ECM2: variants seen among roughly 807,000 people sequenced by gnomAD.
The protein encoded by ECM2 is extracellular matrix protein 2, female organ and adipocyte specific.
Under a neutral mutation model 67.5 loss-of-function variants are expected in ECM2, and 57 were observed. The ratio of observed to expected loss-of-function variants is 0.84; its 90% CI spans 0.68 to 1.05. ECM2 has a LOEUF of 1.05. Among genes scored for constraint, ECM2 ranks in the 50% least tolerant of loss-of-function variants. The probability of loss-of-function intolerance (pLI) is 0.00; values close to 1 mark genes in which losing one functional copy is unlikely to be tolerated. For missense variants in ECM2, 741 were observed against 822.8 expected (o/e 0.90, Z 1.22); for synonymous variants, 258 against 294.5 (o/e 0.88, Z 1.27).
upstream of ECM2, among the ~76,000 whole-genome samples, chr9:92,541,434 C>T (rs1465469525): frequency 7.1e-6 from 1 of 141,054 alleles, no homozygotes; most frequent in Non-Finnish European, 1.5e-5. Context: ...CCCGCCCACA[C>T]CCCCACACCC....
chr9:92,512,179 C>T (rs940261808), intron 4 of ECM2, 53 bp from the exon 5 acceptor site: 1 of 1,201,826 alleles, frequency 8.3e-7, no homozygotes, highest in African/African-American at 1.5e-5. Flanking sequence ...CATACATGTA[C>T]ACACATGTAT....
At chr9:92,515,925 G>C (rs1847675499) in intron 3 of ECM2, among the ~76,000 whole-genome samples, 1 of 152,196 alleles carries the variant, frequency 6.6e-6, no homozygotes, top group Non-Finnish European at 1.5e-5. Flanking sequence ...GAGTAGAATA[G>C]ATGATAGTAG....
chr9:92,537,765 G>A (rs1323453309), upstream of ECM2, among the ~76,000 whole-genome samples: 2 of 152,096 alleles, frequency 1.3e-5, no homozygotes, highest in Non-Finnish European at 2.9e-5. Flanking sequence ...AAACAGAAGA[G>A]GAAGATTTCT....
the ECM2 span, among the ~76,000 whole-genome samples, chr9:92,558,568 G>A: frequency 6.6e-6 from 1 of 152,122 alleles, no homozygotes; most frequent in East Asian, 1.9e-4. Flanking sequence ...GACACCATGA[G>A]GGTCCTTAGC....
At chr9:92,499,101 G>A (rs967871582) in intron 9 of ECM2, among the ~76,000 whole-genome samples, 19 of 152,152 alleles carry the variant, frequency 1.2e-4, no homozygotes, top group Admixed American at 3.9e-4. Flanking sequence ...TGAGGCCCAC[G>A]TGTGCCCAAA....
At chr9:92,555,191 TG>T in the ECM2 span, among the ~76,000 whole-genome samples, 1 of 150,840 alleles carries the variant, frequency 6.6e-6, no homozygotes, top group African/African-American at 2.4e-5. Context: ...TGAATCCGTC[TG>T]GTCTTGGACT....
At chr9:92,557,632 A>G in the ECM2 span, among the ~76,000 whole-genome samples, 2 of 151,950 alleles carry the variant, frequency 1.3e-5, no homozygotes, top group Non-Finnish European at 2.9e-5. Flanking sequence ...TTTCCAGAGC[A>G]TTTCGCATTT....
chr9:92,539,862 T>C (rs911832949), upstream of ECM2, among the ~76,000 whole-genome samples: 1 of 152,164 alleles, frequency 6.6e-6, no homozygotes, highest in Non-Finnish European at 1.5e-5. Context: ...TTGATGGACA[T>C]TTGGGTTGTT....
chr9:92,515,352 T>TA (rs36103769), intron 3 of ECM2, 149 bp from the exon 4 acceptor site: 4 of 1,117,636 alleles, frequency 3.6e-6, no homozygotes, highest in Non-Finnish European at 4.6e-6. Context: ...AATTCTTGCT[T>TA]AAAAAGTTTT....
intron 9 of ECM2, among the ~76,000 whole-genome samples, chr9:92,498,071 T>C (rs767130567): frequency 6.6e-6 from 1 of 152,156 alleles, no homozygotes; most frequent in African/African-American, 2.4e-5. Context: ...CCTTTTCTCT[T>C]TATAAATTAC....
At chr9:92,524,382 A>T (rs986445771) in intron 1 of ECM2, among the ~76,000 whole-genome samples, 2 of 152,226 alleles carry the variant, frequency 1.3e-5, no homozygotes, top group Non-Finnish European at 2.9e-5. Flanking sequence ...TAGTAGCATT[A>T]TGGTCAGACA....
At chr9:92,551,488 C>A in the ECM2 span, among the ~76,000 whole-genome samples, 2 of 152,054 alleles carry the variant, frequency 1.3e-5, no homozygotes, top group Non-Finnish European at 2.9e-5. Flanking sequence ...CGGGCACATA[C>A]CACCACACCT....
At chr9:92,530,597 A>G (rs1848686194) in intron 1 of ECM2, among the ~76,000 whole-genome samples, 1 of 152,140 alleles carries the variant, frequency 6.6e-6, no homozygotes, top group Non-Finnish European at 1.5e-5. Flanking sequence ...TTTAGTCGTT[A>G]TATCTTTCTG....
the ECM2 span, among the ~76,000 whole-genome samples, chr9:92,552,188 T>TACACAC: frequency 8.0e-5 from 8 of 100,124 alleles, no homozygotes; most frequent in African/African-American, 3.2e-4. Context: ...AGATCTATCA[T>TACACAC]ATACACACAC....
At chr9:92,503,491 A>G (rs1447541738) in intron 7 of ECM2, among the ~76,000 whole-genome samples, 2 of 152,240 alleles carry the variant, frequency 1.3e-5, no homozygotes, top group Non-Finnish European at 2.9e-5. Flanking sequence ...ATAATTAATT[A>G]AAGTTAATTA....
At chr9:92,540,555 A>C (rs1366137942), upstream of ECM2, among the ~76,000 whole-genome samples, 4 of 151,880 alleles carry the variant, frequency 2.6e-5, no homozygotes, top group Non-Finnish European at 5.9e-5. Context: ...GGTGGATCAC[A>C]AGGTTAGGAG....
chr9:92,511,426 GT>G (rs35306473), intron 5 of ECM2, among the ~76,000 whole-genome samples: 5,809 of 144,596 alleles, frequency 0.04, 159 homozygotes, highest in South Asian at 0.1. Context: ...TGCCTGGCCT[GT>G]TTTTTTTTTT....
At position 92,514,988 on chromosome 9, in the gene ECM2, A is replaced by G. The variant is rs576605538; in HGVS notation, c.697T>C (p.Ser233Pro). ...DTEQKRETPE[S>P]RNQGQLYSEG... ...CTGTAAAGTTGCCCCTGATTTCTAG[A>G]TTCAGGGGTCTCTCTCTTTTGCTCT... Residue 233 changes from serine (S) to proline (P), a missense_variant, in exon 4 of 10, where the codon TCT becomes CCT. Ser to Pro is a moderately conservative substitution (Grantham distance 74, BLOSUM62 -1). Transcript: ENST00000344604. The G allele has an allele frequency of 4.3e-6, 7 of 1,613,760 alleles. No individual in the cohort carries two copies. In the Admixed American group the frequency reaches 8.3e-5, roughly 19 times the overall value.
Position 92,517,702 on chromosome 9 carries a change from C to G in ECM2, c.466G>C (p.Val156Leu), listed in dbSNP as rs1299948905. ...TVIPEGECCP[V>L]CSATVSYSLL... ...ATCTCTGTACCAGTAGCGGAGCAGA[C>G]CGGGCAGCATTCCCCTTCAGGTATA... Residue 156 changes from valine (V) to leucine (L), a missense_variant, in exon 3 of 10, where the codon GTC becomes CTC. Val to Leu is a conservative substitution (Grantham distance 32). Coordinates refer to ENST00000344604, the MANE Select transcript of ECM2 (RefSeq NM_001393.4). The G allele has an allele frequency of 3.7e-6, 6 of 1,614,038 alleles. No individual in the cohort carries two copies. Among genetic ancestry groups the G allele is most frequent in the Non-Finnish European group, 5.1e-6 (6 of 1,180,036 alleles).
Sources: gnomAD v4.1 joint callset for allele counts (sites outside exome capture counted in the v4.1 genomes callset) on GRCh38, gnomAD v4.1.1 for gene constraint, MANE v1.5 for transcripts, NCBI Gene and HGNC (gene_info 2026-07-23, HGNC 2026-07-21) for gene names.